The following KIR3DL2 variants were observed in gnomAD, a reference collection of about 807,000 sequenced individuals.
KIR3DL2 encodes killer cell immunoglobulin like receptor, three Ig domains and long cytoplasmic tail 2, also known as killer cell immunoglobulin-like receptor 3DL2.
Under a neutral mutation model 41.6 loss-of-function variants are expected in KIR3DL2, and 42 were observed. That is an observed-to-expected ratio of 1.01 (90% CI 0.79 to 1.31). The LOEUF (loss-of-function observed/expected upper bound fraction) is 1.31, where lower values mean the gene tolerates loss of function less well. Among genes scored for constraint, KIR3DL2 ranks in the 50% most tolerant of loss-of-function variants. KIR3DL2 has a pLI of 0.00. For missense variants in KIR3DL2, 728 were observed against 576.8 expected, an observed-to-expected ratio of 1.26 and a Z score of -2.68; for synonymous variants, 230 against 221.3, an observed-to-expected ratio of 1.04 and a Z score of -0.35.
intron 8 of KIR3DL2, 37 bp downstream of exon 8, chr19:54,866,459 T>A: frequency 6.2e-7 from 1 of 1,613,984 alleles, no homozygotes; most frequent in Non-Finnish European, 8.5e-7. Flanking sequence ...GGATACAGTC[T>A]TATCCCTAAT....
chr19:54,851,475 G>T (rs1601719290), intron 2 of KIR3DL2, among the ~76,000 whole-genome samples: 2 of 151,326 alleles, frequency 1.3e-5, no homozygotes, highest in South Asian at 4.2e-4. Flanking sequence ...CCAAGCTGGG[G>T]TGTGCAGGGA....
intron 7 of KIR3DL2, among the ~76,000 whole-genome samples, 179 bp from the exon 8 acceptor site, chr19:54,866,191 T>C (rs562948215): frequency 1.1e-4 from 17 of 151,928 alleles, no homozygotes; most frequent in African/African-American, 3.4e-4. Context: ...GGGATGCCAA[T>C]TGAGAGCACT....
At chr19:54,857,786 T>A (rs2064897795) in intron 5 of KIR3DL2, among the ~76,000 whole-genome samples, 1 of 151,646 alleles carries the variant, frequency 6.6e-6, no homozygotes, top group Non-Finnish European at 1.5e-5. Context: ...CCTCAGGTGA[T>A]CCGCCCACCT....
At chr19:54,853,090 A>T (rs1429795974) in intron 3 of KIR3DL2, among the ~76,000 whole-genome samples, 5 of 151,362 alleles carry the variant, frequency 3.3e-5, no homozygotes, top group Non-Finnish European at 7.4e-5. Context: ...AGCCTGGGTG[A>T]AAAAGTGACT....
intron 1 of KIR3DL2, 115 bp downstream of exon 1, chr19:54,850,624 G>T: frequency 7.2e-7 from 1 of 1,397,982 alleles, no homozygotes; most frequent in South Asian, 1.2e-5. Context: ...ATGGGCCTGG[G>T]TGTGGAGATA....
At chr19:54,856,094 A>G (rs1226734005) in intron 5 of KIR3DL2, among the ~76,000 whole-genome samples, 182 bp downstream of exon 5, 6 of 151,440 alleles carry the variant, frequency 4.0e-5, no homozygotes, top group Non-Finnish European at 2.9e-5. Flanking sequence ...CATGGCCTGC[A>G]TGGAGGCCCA....
At chr19:54,863,632 T>C (rs2065323514) in intron 6 of KIR3DL2, among the ~76,000 whole-genome samples, 1 of 152,140 alleles carries the variant, frequency 6.6e-6, no homozygotes, top group Non-Finnish European at 1.5e-5. Flanking sequence ...TTTCATGTGT[T>C]TTTTGGCTGC....
chr19:54,856,200 C>T (rs1328689886), intron 5 of KIR3DL2, among the ~76,000 whole-genome samples: 1 of 151,408 alleles, frequency 6.6e-6, no homozygotes, highest in Non-Finnish European at 1.5e-5. Context: ...ATCAGAGGTT[C>T]CCTCAGCCCC....
At chr19:54,851,153 C>T in intron 1 of KIR3DL2, 67 bp from the exon 2 acceptor site, 1 of 1,577,196 alleles carries the variant, frequency 6.3e-7, no homozygotes, top group Non-Finnish European at 8.7e-7. Context: ...ACACACAGTG[C>T]AGTGGGGGCA....
chr19:54,855,984 T>C, intron 5 of KIR3DL2, 72 bp downstream of exon 5: 4 of 1,554,676 alleles, frequency 2.6e-6, no homozygotes, highest in Non-Finnish European at 2.6e-6. Context: ...CTGCCGATGA[T>C]GGGGAGAAGC....
intron 6 of KIR3DL2, among the ~76,000 whole-genome samples, chr19:54,862,745 G>A (rs1427883358): frequency 3.3e-5 from 5 of 149,648 alleles, no homozygotes; most frequent in Admixed American, 2.0e-4. Context: ...ATCTCAGGAC[G>A]TTGCTGTCTT....
intron 3 of KIR3DL2, among the ~76,000 whole-genome samples, chr19:54,853,120 TAATC>T (rs1341530371): frequency 6.6e-6 from 1 of 151,324 alleles, no homozygotes; most frequent in Non-Finnish European, 1.5e-5. Flanking sequence ...ATAAATTAAT[TAATC>T]AATTAATTAA....
intron 6 of KIR3DL2, among the ~76,000 whole-genome samples, chr19:54,863,845 A>T (rs1011270028): frequency 2.6e-5 from 4 of 151,948 alleles, no homozygotes; most frequent in African/African-American, 9.7e-5. Context: ...TGCTGTGCAG[A>T]AGCTCTTTAG....
intron 6 of KIR3DL2, among the ~76,000 whole-genome samples, chr19:54,862,160 C>T (rs1377183516): frequency 6.6e-6 from 1 of 152,104 alleles, no homozygotes; most frequent in Admixed American, 6.5e-5. Context: ...TAACATGTGT[C>T]TCGCGAGATC....
chr19:54,861,878 G>C (rs2065202874), intron 6 of KIR3DL2, among the ~76,000 whole-genome samples: 1 of 151,718 alleles, frequency 6.6e-6, no homozygotes, highest in African/African-American at 2.4e-5. Context: ...CTGAAATAGG[G>C]AAAGTGCTCT....
chr19:54,853,540 G>A (rs1229988982), intron 3 of KIR3DL2, among the ~76,000 whole-genome samples: 6 of 151,646 alleles, frequency 4.0e-5, no homozygotes, highest in African/African-American at 7.3e-5. Context: ...AAGGGAGTCA[G>A]GGGCTACTGG....
At chr19:54,857,843 A>C (rs1430619500) in intron 5 of KIR3DL2, among the ~76,000 whole-genome samples, 22 of 151,734 alleles carry the variant, frequency 1.4e-4, no homozygotes, top group Admixed American at 1.4e-3. Flanking sequence ...ACCGGCCTAA[A>C]AGGCATTTTA....
At chr19:54,851,856 T>TG in intron 2 of KIR3DL2, 142 bp from the exon 3 acceptor site, 2 of 830,312 alleles carry the variant, frequency 2.4e-6, no homozygotes, top group East Asian at 2.9e-5. Flanking sequence ...CATGTCTATG[T>TG]GGGGTGGGTC....
chr19:54,866,455 A>C (rs1569527937), intron 8 of KIR3DL2, 33 bp downstream of exon 8: 1 of 1,613,930 alleles, frequency 6.2e-7, no homozygotes, highest in Non-Finnish European at 8.5e-7. Context: ...TCACGGATAC[A>C]GTCTTATCCC....
Sources: allele counts gnomAD v4.1 joint callset (sites outside exome capture counted in the v4.1 genomes callset), GRCh38; gene constraint gnomAD v4.1.1; transcripts MANE v1.5; gene names NCBI Gene and HGNC (gene_info 2026-07-23, HGNC 2026-07-21).